DNAJC1: variants seen among roughly 807,000 people sequenced by gnomAD.
DNAJC1 encodes DnaJ heat shock protein family (Hsp40) member C1, also known as dnaJ homolog subfamily C member 1.
A neutral mutation model predicts 76.6 loss-of-function variants in DNAJC1; 58 were observed. That is an observed-to-expected ratio of 0.76 (90% CI 0.61 to 0.94). DNAJC1 has a LOEUF of 0.94. DNAJC1 is among the 40% of genes least tolerant of loss of function. The pLI is 0.00. For synonymous variants in DNAJC1, 258 were observed against 267.9 expected, an observed-to-expected ratio of 0.96 and a Z score of 0.36; for missense variants, 689 against 677.3, an observed-to-expected ratio of 1.02 and a Z score of -0.19.
chr10:21,874,432 T>TAA (rs529885111), intron 8 of DNAJC1, among the ~76,000 whole-genome samples: 14 of 129,304 alleles, frequency 1.1e-4, no homozygotes, highest in South Asian at 2.4e-4. Context: ...ACCTGGTCTG[T>TAA]AAAAAAAAAA....
At chr10:21,837,772 A>C (rs1835490622) in intron 8 of DNAJC1, among the ~76,000 whole-genome samples, 1 of 142,288 alleles carries the variant, frequency 7.0e-6, no homozygotes, top group Admixed American at 7.0e-5. Context: ...CTGGTCCAGG[A>C]GGGAGGTAGG....
intron 7 of DNAJC1, among the ~76,000 whole-genome samples, chr10:21,890,819 C>T (rs1199036689): frequency 6.6e-6 from 1 of 152,098 alleles, no homozygotes; most frequent in African/African-American, 2.4e-5. Context: ...AATCAAAAAT[C>T]AGTTGTTACA....
chr10:21,769,019 A>T (rs1259747218), intron 9 of DNAJC1, among the ~76,000 whole-genome samples: 1 of 152,102 alleles, frequency 6.6e-6, no homozygotes, highest in South Asian at 2.1e-4. Context: ...ATTCATGAGA[A>T]TATGTCCTAG....
chr10:21,782,624 C>T (rs976801925), intron 9 of DNAJC1, among the ~76,000 whole-genome samples: 5 of 152,298 alleles, frequency 3.3e-5, no homozygotes, highest in South Asian at 2.1e-4. Flanking sequence ...ACCAATATCC[C>T]TGATGAACAT....
intron 9 of DNAJC1, among the ~76,000 whole-genome samples, chr10:21,801,907 CAT>C: frequency 6.6e-6 from 1 of 152,286 alleles, no homozygotes; most frequent in East Asian, 1.9e-4. Flanking sequence ...CCAAATACCA[CAT>C]GTTCTCACTT....
At chr10:21,764,717 T>C (rs1281348660) in intron 10 of DNAJC1, among the ~76,000 whole-genome samples, 1 of 152,262 alleles carries the variant, frequency 6.6e-6, no homozygotes, top group African/African-American at 2.4e-5. Flanking sequence ...ATTTCAAAAT[T>C]CTTTGGCTTC....
chr10:21,919,977 C>A (rs1394966805), intron 4 of DNAJC1, 48 bp from the exon 5 acceptor site: 2 of 1,194,524 alleles, frequency 1.7e-6, no homozygotes, highest in Non-Finnish European at 1.2e-6. Flanking sequence ...AACATGTACA[C>A]TTCAAATGTT....
intron 7 of DNAJC1, among the ~76,000 whole-genome samples, chr10:21,890,006 C>T (rs1360858984): frequency 3.3e-5 from 5 of 152,276 alleles, no homozygotes; most frequent in Middle Eastern, 3.4e-3. Context: ...AAAGGTAAGG[C>T]GGATCCTTCT....
intron 1 of DNAJC1, among the ~76,000 whole-genome samples, chr10:21,941,095 C>CA (rs1208799870): frequency 0.059 from 2,309 of 39,098 alleles, 46 homozygotes; most frequent in African/African-American, 0.12. Flanking sequence ...ACTAAAAATA[C>CA]AAAAAAAAAA....
intron 3 of DNAJC1, among the ~76,000 whole-genome samples, chr10:21,924,322 T>A (rs1001686728): frequency 6.6e-6 from 1 of 152,130 alleles, no homozygotes; most frequent in Non-Finnish European, 1.5e-5. Flanking sequence ...TAACTATACG[T>A]TTAACAGCAT....
chr10:21,794,133 G>C (rs573712491), intron 9 of DNAJC1, among the ~76,000 whole-genome samples: 4 of 152,058 alleles, frequency 2.6e-5, no homozygotes, highest in African/African-American at 9.6e-5. Flanking sequence ...AGTTGGGTGT[G>C]GTAGTATGCA....
chr10:21,845,297 TA>T (rs1344507852), intron 8 of DNAJC1, among the ~76,000 whole-genome samples: 3 of 152,062 alleles, frequency 2.0e-5, no homozygotes, highest in African/African-American at 7.2e-5. Context: ...TTTAAGTAGT[TA>T]ATAAATGGTA....
intron 8 of DNAJC1, among the ~76,000 whole-genome samples, chr10:21,869,187 G>C (rs1356221444): frequency 7.4e-6 from 1 of 134,384 alleles, no homozygotes; most frequent in African/African-American, 2.9e-5. Flanking sequence ...CTGCACTCCA[G>C]CCTAGGTGAC....
chr10:21,883,251 AACACACACACACAC>A (rs3032395), intron 7 of DNAJC1, among the ~76,000 whole-genome samples: 167 of 129,020 alleles, frequency 1.3e-3, no homozygotes, highest in African/African-American at 3.8e-3. Context: ...TTCTATCTCA[AACACACACACACAC>A]ACACACACAC....
intron 8 of DNAJC1, among the ~76,000 whole-genome samples, chr10:21,835,194 G>A (rs889336319): frequency 2.0e-5 from 3 of 152,158 alleles, no homozygotes; most frequent in Non-Finnish European, 2.9e-5. Flanking sequence ...TGCAGCCACC[G>A]CTGCTGATAC....
At chr10:21,924,510 T>C (rs2131775025) in intron 3 of DNAJC1, among the ~76,000 whole-genome samples, 1 of 152,254 alleles carries the variant, frequency 6.6e-6, no homozygotes, top group African/African-American at 2.4e-5. Context: ...TAAAGCGCAA[T>C]CTAGTATATA....
intron 8 of DNAJC1, among the ~76,000 whole-genome samples, chr10:21,826,437 T>A (rs1400880581): frequency 3.3e-5 from 5 of 152,292 alleles, no homozygotes. Flanking sequence ...ATTATAGGCA[T>A]GAGCCACTGT....
intron 6 of DNAJC1, among the ~76,000 whole-genome samples, chr10:21,910,526 CA>C (rs1423248067): frequency 6.6e-6 from 1 of 151,556 alleles, no homozygotes; most frequent in Non-Finnish European, 1.5e-5. Flanking sequence ...TTAAGCAATC[CA>C]AAGAAAAGCT....
At chr10:21,836,740 C>A (rs552435740) in intron 8 of DNAJC1, among the ~76,000 whole-genome samples, 2 of 152,222 alleles carry the variant, frequency 1.3e-5, no homozygotes, top group East Asian at 3.9e-4. Flanking sequence ...AAGGCCATTA[C>A]ATAATGGTAA....
Sources: gnomAD v4.1 joint callset for allele counts (sites outside exome capture counted in the v4.1 genomes callset) on GRCh38, gnomAD v4.1.1 for gene constraint, MANE v1.5 for transcripts, NCBI Gene and HGNC (gene_info 2026-07-23, HGNC 2026-07-21) for gene names.